LARS2: variants seen among roughly 807,000 people sequenced by gnomAD.
The protein encoded by LARS2 is leucyl-tRNA synthetase 2, mitochondrial.
In LARS2, 81 loss-of-function variants were observed where a neutral mutation model predicts 116.6. The observed-to-expected ratio is 0.69, with a 90% CI of 0.58 to 0.84. LARS2 has a LOEUF of 0.84. Among genes scored for constraint, LARS2 ranks in the 40% least tolerant of loss-of-function variants. The probability of loss-of-function intolerance (pLI) is 0.00; values close to 1 mark genes in which losing one functional copy is unlikely to be tolerated. For synonymous variants in LARS2, 396 were observed against 407.2 expected (o/e 0.97, Z 0.33); for missense variants, 968 against 1,114.5 (o/e 0.87, Z 1.87).
chr3:45,525,618 T>G (rs1700520453), intron 20 of LARS2, among the ~76,000 whole-genome samples: 1 of 152,244 alleles, frequency 6.6e-6, no homozygotes, highest in African/African-American at 2.4e-5. Context: ...CTGCCCTACT[T>G]TATATGCTTT....
At chr3:45,498,091 A>T (rs1700048341) in intron 14 of LARS2, among the ~76,000 whole-genome samples, 1 of 152,174 alleles carries the variant, frequency 6.6e-6, no homozygotes, top group Non-Finnish European at 1.5e-5. Flanking sequence ...TTCATGTAGT[A>T]ACAACTGGCT....
intron 8 of LARS2, among the ~76,000 whole-genome samples, chr3:45,466,556 C>A (rs1204866921): frequency 6.6e-6 from 1 of 152,060 alleles, no homozygotes; most frequent in Non-Finnish European, 1.5e-5. Context: ...CACATCATGT[C>A]CTTCTCACTC....
chr3:45,539,127 T>G (rs945112581), intron 20 of LARS2, among the ~76,000 whole-genome samples: 1 of 151,524 alleles, frequency 6.6e-6, no homozygotes, highest in African/African-American at 2.4e-5. Flanking sequence ...GACCATGTTA[T>G]TTTTTTTTAA....
chr3:45,429,577 C>T (rs1698656713), intron 6 of LARS2, among the ~76,000 whole-genome samples: 1 of 152,088 alleles, frequency 6.6e-6, no homozygotes, highest in South Asian at 2.1e-4. Flanking sequence ...TTTAGGATAC[C>T]CTTCTTATTT....
At chr3:45,475,157 C>T (rs970555890) in intron 9 of LARS2, among the ~76,000 whole-genome samples, 4 of 152,192 alleles carry the variant, frequency 2.6e-5, no homozygotes, top group South Asian at 2.1e-4. Context: ...CTTTCGTCCC[C>T]GTCAAAACCT....
intron 8 of LARS2, among the ~76,000 whole-genome samples, chr3:45,463,338 G>T (rs1275035208): frequency 6.6e-6 from 1 of 152,216 alleles, no homozygotes; most frequent in East Asian, 1.9e-4. Flanking sequence ...GTGTTAAATG[G>T]ACATAAGCAT....
chr3:45,432,636 A>T (rs1698738296), intron 6 of LARS2, among the ~76,000 whole-genome samples: 1 of 152,134 alleles, frequency 6.6e-6, no homozygotes, highest in African/African-American at 2.4e-5. Flanking sequence ...ATAGCAAAAA[A>T]GAGCAAAGTG....
At chr3:45,415,986 A>G (rs1041876097) in intron 4 of LARS2, among the ~76,000 whole-genome samples, 27 of 151,260 alleles carry the variant, frequency 1.8e-4, no homozygotes, top group African/African-American at 6.6e-4. Context: ...ACTTTTATCC[A>G]GTCTCAAAAG....
chr3:45,453,450 A>G (rs954526345), intron 7 of LARS2, among the ~76,000 whole-genome samples: 4 of 152,244 alleles, frequency 2.6e-5, no homozygotes, highest in Admixed American at 1.3e-4. Context: ...TTAGCTGTCT[A>G]CATGAATTTA....
intron 9 of LARS2, among the ~76,000 whole-genome samples, chr3:45,474,624 A>G (rs1019800899): frequency 4.6e-5 from 7 of 152,240 alleles, no homozygotes; most frequent in Non-Finnish European, 8.8e-5. Context: ...TTTACATTTT[A>G]GTACAGTCTT....
At position 45,417,233 on chromosome 3, in the gene LARS2, G is replaced by C. The variant is rs149659068; in HGVS notation, c.364-249G>C. Among the ~76,000 whole-genome samples, 13 of 152,150 alleles carry C rather than the reference G, an allele frequency of 8.5e-5. No individual in the cohort carries two copies. In the East Asian group the frequency reaches 2.5e-3, roughly 29 times the overall value. On this transcript the variant is annotated intron_variant, in intron 4 of 21. Transcript: ENST00000645846. Reference sequence around the variant, plus strand: ...TCAATATAGAGACTATAGAAAAGAAGAAAATAAAAAGTACTCATGAAAACA... The same window carrying C: ...TCAATATAGAGACTATAGAAAAGAACAAAATAAAAAGTACTCATGAAAACA...
intron 6 of LARS2, among the ~76,000 whole-genome samples, chr3:45,423,405 C>T (rs1304957198): frequency 3.3e-5 from 5 of 152,020 alleles, no homozygotes; most frequent in African/African-American, 4.8e-5. Flanking sequence ...CTCTGCCTCC[C>T]AGGTTCAAGC....
intron 8 of LARS2, among the ~76,000 whole-genome samples, chr3:45,465,233 A>C (rs180872288): frequency 6.6e-6 from 1 of 152,148 alleles, no homozygotes; most frequent in Non-Finnish European, 1.5e-5. Context: ...TCCTTCTTAC[A>C]TAATATCTCC....
At chr3:45,516,367 C>A in intron 17 of LARS2, 91 bp downstream of exon 17, 1 of 1,291,050 alleles carries the variant, frequency 7.7e-7, no homozygotes, top group Non-Finnish European at 1.1e-6. Flanking sequence ...TTGCTGAAGA[C>A]AGTGGTAGAG....
chr3:45,481,303 A>G (rs1390694885), intron 10 of LARS2, among the ~76,000 whole-genome samples: 1 of 152,194 alleles, frequency 6.6e-6, no homozygotes, highest in East Asian at 1.9e-4. Flanking sequence ...TTTTTACTAT[A>G]GTTATAAATA....
chr3:45,498,201 A>T (rs1700050598), intron 14 of LARS2, among the ~76,000 whole-genome samples: 2 of 152,196 alleles, frequency 1.3e-5, no homozygotes, highest in South Asian at 4.1e-4. Flanking sequence ...GGCGGGAGAG[A>T]CATCCTGAGA....
At chr3:45,401,772 G>A (rs1318724751) in intron 4 of LARS2, among the ~76,000 whole-genome samples, 1 of 151,988 alleles carries the variant, frequency 6.6e-6, no homozygotes, top group Non-Finnish European at 1.5e-5. Context: ...GTGCCACCAC[G>A]CTCAGCTAAT....
intron 9 of LARS2, among the ~76,000 whole-genome samples, chr3:45,475,035 G>A (rs1278444990): frequency 6.6e-6 from 1 of 152,202 alleles, no homozygotes; most frequent in Non-Finnish European, 1.5e-5. Context: ...TGACTAGAGA[G>A]TTGTTCTATT....
At chr3:45,488,624 G>A in intron 11 of LARS2, 73 bp from the exon 12 acceptor site, 1 of 859,348 alleles carries the variant, frequency 1.2e-6, no homozygotes, top group Admixed American at 1.8e-5. Flanking sequence ...AAACCTGGGT[G>A]TCAGTACTGT....
Sources: gnomAD v4.1 joint callset for allele counts (sites outside exome capture counted in the v4.1 genomes callset) on GRCh38, gnomAD v4.1.1 for gene constraint, MANE v1.5 for transcripts, NCBI Gene and HGNC (gene_info 2026-07-23, HGNC 2026-07-21) for gene names.